RGS3: variants seen among roughly 807,000 people sequenced by gnomAD.
RGS3 encodes regulator of G protein signaling 3.
Under a neutral mutation model 132.6 loss-of-function variants are expected in RGS3, and 80 were observed. The ratio of observed to expected loss-of-function variants is 0.60; its 90% CI spans 0.50 to 0.73. The LOEUF is 0.73. Among genes scored for constraint, RGS3 ranks in the 30% least tolerant of loss-of-function variants. The pLI is 0.00. For missense variants in RGS3, 1,382 were observed against 1,530.8 expected (o/e 0.90, Z 1.62); for synonymous variants, 598 against 620.6 (o/e 0.96, Z 0.54).
intron 19 of RGS3, among the ~76,000 whole-genome samples, chr9:113,561,293 G>T (rs573832615): frequency 6.6e-6 from 1 of 152,182 alleles, no homozygotes; most frequent in African/African-American, 2.4e-5. Context: ...CCAAAGTGCT[G>T]GGATTACAGG....
intron 17 of RGS3, among the ~76,000 whole-genome samples, chr9:113,526,940 T>C (rs1024667966): frequency 1.3e-5 from 2 of 152,226 alleles, no homozygotes; most frequent in African/African-American, 4.8e-5. Flanking sequence ...GTCAGCCCCT[T>C]GCAGCCTGTT....
intron 15 of RGS3, among the ~76,000 whole-genome samples, chr9:113,516,008 T>C (rs1489010529): frequency 6.6e-6 from 1 of 152,276 alleles, no homozygotes; most frequent in Non-Finnish European, 1.5e-5. Flanking sequence ...GAAAGGGAAA[T>C]GACTGGGTCA....
At position 113,463,813 on chromosome 9, in the gene RGS3, C is replaced by T; in HGVS notation, c.415+1612C>T. 2 of 1,612,346 alleles carry T rather than the reference C, an allele frequency of 1.2e-6. No individual in the cohort carries two copies. Among genetic ancestry groups the T allele is most frequent in the South Asian group, 2.2e-5 (2 of 90,936 alleles). On this transcript the variant is annotated intron_variant, in intron 3 of 24. Coordinates refer to ENST00000350696, the Ensembl canonical transcript of RGS3. This position sits in a 1 kb window ranked among gnomAD's most constrained non-coding sequence, Gnocchi z 4.6. Reference sequence around the variant, plus strand: ...TCGCAGTGGGACGCCATGGAGCGCTCCCTGCACCGCGTCTCCCTCGGGAGC... The same window carrying T: ...TCGCAGTGGGACGCCATGGAGCGCTTCCTGCACCGCGTCTCCCTCGGGAGC...
At chr9:113,569,901 C>A (rs1834209372) in intron 19 of RGS3, among the ~76,000 whole-genome samples, 1 of 152,098 alleles carries the variant, frequency 6.6e-6, no homozygotes, top group Non-Finnish European at 1.5e-5. Context: ...TGTACAGATG[C>A]TTGCCCATTG....
intron 19 of RGS3, chr9:113,541,768 G>A (rs1832912728): frequency 2.0e-6 from 2 of 1,017,174 alleles, no homozygotes; most frequent in South Asian, 8.3e-5. Context: ...AGGAGAGGTT[G>A]GGAGAGGTCA....
intron 18 of RGS3, among the ~76,000 whole-genome samples, chr9:113,533,037 A>G (rs905084571): frequency 1.3e-5 from 2 of 152,092 alleles, no homozygotes; most frequent in East Asian, 3.9e-4. Flanking sequence ...GGTGTTGGAG[A>G]TGAGATCCCA....
chr9:113,574,599 C>T (rs879872243), intron 19 of RGS3, among the ~76,000 whole-genome samples: 24 of 152,300 alleles, frequency 1.6e-4, no homozygotes, highest in African/African-American at 2.6e-4. Context: ...AGGACCTGCC[C>T]GGGGCCATGA....
At chr9:113,552,365 G>A (rs1833375193) in intron 19 of RGS3, among the ~76,000 whole-genome samples, 1 of 152,122 alleles carries the variant, frequency 6.6e-6, no homozygotes, top group Non-Finnish European at 1.5e-5. Flanking sequence ...CGCCCAGGCT[G>A]GAGTGCAGTG....
chr9:113,522,376 G>C (rs1831997750), intron 16 of RGS3: 1 of 152,442 alleles, frequency 6.6e-6, no homozygotes, highest in Non-Finnish European at 1.5e-5. Context: ...CTCCCTGTTT[G>C]GGCTGTTGAG....
intron 1 of RGS3, among the ~76,000 whole-genome samples, chr9:113,445,710 C>T (rs939330790): frequency 2.0e-5 from 3 of 152,100 alleles, no homozygotes; most frequent in Admixed American, 6.5e-5. Context: ...ACAGACTCTC[C>T]CCCTGTTGCC....
At chr9:113,573,754 A>G (rs1834386431) in intron 19 of RGS3, among the ~76,000 whole-genome samples, 1 of 152,144 alleles carries the variant, frequency 6.6e-6, no homozygotes. Context: ...CCTGCCCCTC[A>G]GTCTCCAACC....
chr9:113,464,542 C>A (rs112559881), intron 3 of RGS3, among the ~76,000 whole-genome samples: 2 of 152,188 alleles, frequency 1.3e-5, no homozygotes, highest in Middle Eastern at 3.2e-3. Flanking sequence ...ACCTGGCCTT[C>A]CTGGTAGCCA....
At chr9:113,593,883 C>T (rs1259524490) in intron 21 of RGS3, 20 of 1,561,354 alleles carry the variant, frequency 1.3e-5, no homozygotes, top group Non-Finnish European at 1.6e-5. Flanking sequence ...AATTTGCTGA[C>T]TTGTCCCCCA....
chr9:113,474,746 G>T (rs1383957392), intron 3 of RGS3, among the ~76,000 whole-genome samples: 1 of 152,174 alleles, frequency 6.6e-6, no homozygotes. Context: ...AGCGGCTTCT[G>T]GGGTGAATTG....
intron 19 of RGS3, among the ~76,000 whole-genome samples, chr9:113,580,166 C>G (rs1273836167): frequency 1.3e-5 from 2 of 152,354 alleles, no homozygotes; most frequent in African/African-American, 4.8e-5. Flanking sequence ...GCTCTGGGCC[C>G]TGTTCGCCAG....
intron 19 of RGS3, among the ~76,000 whole-genome samples, chr9:113,557,046 A>C (rs1833596894): frequency 2.0e-5 from 3 of 152,232 alleles, no homozygotes; most frequent in African/African-American, 4.8e-5. Context: ...TGACTGTATG[A>C]GTGAGCAAAG....
intron 20 of RGS3, among the ~76,000 whole-genome samples, chr9:113,585,985 G>T (rs1215086023): frequency 1.3e-5 from 2 of 152,198 alleles, no homozygotes; most frequent in Non-Finnish European, 2.9e-5. Context: ...GTGTGCTCCG[G>T]AATCACCAAG....
intron 19 of RGS3, chr9:113,582,695 C>G (rs866916995): frequency 6.6e-6 from 1 of 152,106 alleles, no homozygotes; most frequent in African/African-American, 2.4e-5. Flanking sequence ...CGAAACTCAG[C>G]AAAACCCCCT....
intron 16 of RGS3, among the ~76,000 whole-genome samples, chr9:113,517,925 G>A (rs1831759746): frequency 6.6e-6 from 1 of 152,176 alleles, no homozygotes; most frequent in Non-Finnish European, 1.5e-5. Flanking sequence ...AATTTACCCT[G>A]GCTGTGGGGA....
Sources: gnomAD v4.1 joint callset for allele counts (sites outside exome capture counted in the v4.1 genomes callset) on GRCh38, gnomAD v4.1.1 for gene constraint, Gnocchi (gnomAD v3.1) non-coding constraint, MANE v1.5 for transcripts, NCBI Gene and HGNC (gene_info 2026-07-23, HGNC 2026-07-21) for gene names.